The following NCKAP5 variants were observed in gnomAD, a reference collection of about 807,000 sequenced individuals.
NCKAP5 encodes nck-associated protein 5.
NCKAP5 carries 92 observed loss-of-function variants against 167.0 expected under a neutral mutation model. The observed-to-expected ratio is 0.55, with a 90% CI of 0.47 to 0.66. The LOEUF (loss-of-function observed/expected upper bound fraction) is 0.66. Ranked by LOEUF, NCKAP5 falls within the 30% of genes least tolerant of loss-of-function variation. The pLI is 0.00. For synonymous variants in NCKAP5, 891 were observed against 877.4 expected, an observed-to-expected ratio of 1.02 and a Z score of -0.27; for missense variants, 2,378 against 2,315.0, an observed-to-expected ratio of 1.03 and a Z score of -0.56.
chr2:133,288,360 C>T (rs1679318578), intron 4 of NCKAP5, among the ~76,000 whole-genome samples: 1 of 152,140 alleles, frequency 6.6e-6, no homozygotes, highest in Non-Finnish European at 1.5e-5. Flanking sequence ...TGATACCATC[C>T]ATATTTCTGT....
intron 4 of NCKAP5, among the ~76,000 whole-genome samples, chr2:133,222,219 T>C (rs1037802177): frequency 6.6e-6 from 1 of 152,164 alleles, no homozygotes; most frequent in African/African-American, 2.4e-5. Flanking sequence ...TGTCTATTGA[T>C]ACTTACCATC....
chr2:133,448,947 A>G (rs1184215037), intron 3 of NCKAP5, among the ~76,000 whole-genome samples: 2 of 152,236 alleles, frequency 1.3e-5, no homozygotes, highest in African/African-American at 2.4e-5. Context: ...TAACATAGAT[A>G]GACAAGATGC....
Position 133,116,345 on chromosome 2 carries a change from G to A in NCKAP5, c.341+13633C>T, listed in dbSNP as rs1222882936. Reference sequence around the variant, plus strand: ...TACTAAAAATACAAAAAAATTAGCCGGGCGTGGTGGCGGGCGCCTGTAGTC... The same window carrying A: ...TACTAAAAATACAAAAAAATTAGCCAGGCGTGGTGGCGGGCGCCTGTAGTC... On this transcript the variant is annotated intron_variant, in intron 6 of 19. Transcript: ENST00000409261. Among the ~76,000 whole-genome samples, 9 of 125,272 alleles carry A rather than the reference G, an allele frequency of 7.2e-5. 2 individuals carry two copies. The highest frequency in any genetic ancestry group is 2.4e-4 in the African/African-American group (7 of 29,208). 82.2% of individuals were successfully genotyped at this position (125,272 alleles called of 152,430 possible).
chr2:133,241,874 C>G (rs555048480), intron 4 of NCKAP5, among the ~76,000 whole-genome samples: 1 of 152,224 alleles, frequency 6.6e-6, no homozygotes, highest in African/African-American at 2.4e-5. Flanking sequence ...AATCCCAGCA[C>G]TTTGAGAGGC....
intron 5 of NCKAP5, among the ~76,000 whole-genome samples, chr2:133,201,449 C>T (rs1274216559): frequency 1.3e-5 from 2 of 151,998 alleles, no homozygotes; most frequent in Middle Eastern, 3.2e-3. Flanking sequence ...AGTAAAGAAG[C>T]CAGACACAAA....
intron 7 of NCKAP5, among the ~76,000 whole-genome samples, chr2:132,979,151 A>G (rs924901960): frequency 3.9e-5 from 6 of 152,144 alleles, no homozygotes; most frequent in Non-Finnish European, 8.8e-5. Flanking sequence ...TAACTCTCTA[A>G]CACTTGCTAA....
At chr2:132,994,663 T>C (rs1464199372) in intron 6 of NCKAP5, among the ~76,000 whole-genome samples, 1 of 152,366 alleles carries the variant, frequency 6.6e-6, no homozygotes, top group Admixed American at 6.5e-5. Flanking sequence ...CTTTCTGTGA[T>C]GGTCTTTCTA....
At chr2:133,011,297 T>C (rs1174376971) in intron 6 of NCKAP5, among the ~76,000 whole-genome samples, 1 of 152,190 alleles carries the variant, frequency 6.6e-6, no homozygotes, top group Non-Finnish European at 1.5e-5. Context: ...ATAAAGACAA[T>C]AGTACCTACG....
chr2:133,359,841 T>C (rs2150860153), intron 3 of NCKAP5, among the ~76,000 whole-genome samples: 1 of 152,326 alleles, frequency 6.6e-6, no homozygotes, highest in Non-Finnish European at 1.5e-5. Context: ...GTGAAACTAT[T>C]GTGCAAAATT....
the NCKAP5 span, among the ~76,000 whole-genome samples, chr2:133,648,803 A>C: frequency 6.6e-6 from 1 of 151,922 alleles, no homozygotes; most frequent in Non-Finnish European, 1.5e-5. Flanking sequence ...ATTTAAAAAG[A>C]AGAAAAATCT....
At chr2:132,834,423 C>T (rs1395490439) in intron 11 of NCKAP5, among the ~76,000 whole-genome samples, 1 of 152,134 alleles carries the variant, frequency 6.6e-6, no homozygotes, top group East Asian at 1.9e-4. Flanking sequence ...CGGCTCACTG[C>T]AAGCTCCGCC....
intron 19 of NCKAP5, 26 bp downstream of exon 19, chr2:132,725,601 G>T: frequency 6.3e-7 from 1 of 1,598,158 alleles, no homozygotes; most frequent in East Asian, 2.3e-5. Flanking sequence ...GGAACCTGCA[G>T]GGCCAGCAAG....
At chr2:133,382,806 C>G (rs1357401054) in intron 3 of NCKAP5, among the ~76,000 whole-genome samples, 1 of 152,146 alleles carries the variant, frequency 6.6e-6, no homozygotes, top group African/African-American at 2.4e-5. Flanking sequence ...TACTCACCAC[C>G]CCATTCTCTG....
chr2:133,128,659 G>A (rs923116603), intron 6 of NCKAP5, among the ~76,000 whole-genome samples: 1 of 151,596 alleles, frequency 6.6e-6, no homozygotes, highest in Admixed American at 6.6e-5. Context: ...GTGCAGTGGC[G>A]CAATCTCGGC....
Position 133,170,224 on chromosome 2 carries a change from A to G in NCKAP5, c.208-40113T>C, listed in dbSNP as rs368559242. Reference sequence around the variant, plus strand: ...TAAGGATGGAAGGCAAGATTGTGCAACGGCTGGGAACGTGGGTGAGGGCAG... The same window carrying G: ...TAAGGATGGAAGGCAAGATTGTGCAGCGGCTGGGAACGTGGGTGAGGGCAG... On this transcript the variant is annotated intron_variant, in intron 5 of 19. Coordinates refer to ENST00000409261, the MANE Select transcript of NCKAP5 (RefSeq NM_207363.3). 2.0e-5 allele frequency among the ~76,000 whole-genome samples: 3 copies of G among 152,230 alleles called. No individual in the cohort carries two copies. In the East Asian group the frequency reaches 5.8e-4, roughly 29 times the overall value.
At chr2:133,565,587 A>C (rs1688488352) in intron 1 of NCKAP5, among the ~76,000 whole-genome samples, 2 of 152,328 alleles carry the variant, frequency 1.3e-5, no homozygotes, top group South Asian at 4.1e-4. Flanking sequence ...GCTGTGCTGC[A>C]TAGTGAAGAC....
chr2:133,045,720 A>G (rs2079376777), intron 6 of NCKAP5, among the ~76,000 whole-genome samples: 1 of 152,168 alleles, frequency 6.6e-6, no homozygotes, highest in Non-Finnish European at 1.5e-5. Flanking sequence ...TTAATAATAA[A>G]CTAGAACCAT....
intron 3 of NCKAP5, among the ~76,000 whole-genome samples, chr2:133,495,174 T>C (rs950600693): frequency 6.6e-6 from 1 of 152,192 alleles, no homozygotes; most frequent in Non-Finnish European, 1.5e-5. Flanking sequence ...ACATCTTACA[T>C]GTATTGATTG....
rs748028809 is a variant in NCKAP5 at position 132,731,739 on chromosome 2, G to A, written c.5441C>T (p.Ser1814Leu). Residue 1814 changes from serine (S) to leucine (L), a missense_variant and splice_region_variant, in exon 17 of 20, where the codon TCA (serine) becomes TTA (leucine). Ser to Leu is a moderately radical substitution (Grantham distance 145, BLOSUM62 -2). Around this residue, in one of 3 missense-constraint regions of NCKAP5, gnomAD observed 1,325 missense variants for 1,274.5 expected, o/e 1.04. Coordinates refer to ENST00000409261, the MANE Select transcript of NCKAP5 (RefSeq NM_207363.3). ...LQSRLPKPAS[S>L]GKVSSQKQNE... The stretch of plus-strand genomic sequence containing the variant: ...AGGGTGGGAAATTGGCATTTTACCT[G>A]AGGAAGCTGGTTTGGGGAGGCGGCT... 1.3e-5 allele frequency: 20 copies of A among 1,575,886 alleles called. No individual in the cohort carries two copies. Among genetic ancestry groups the A allele is most frequent in the Admixed American group, 3.6e-5 (2 of 55,400 alleles).
Sources: gnomAD v4.1 joint callset for allele counts (sites outside exome capture counted in the v4.1 genomes callset) on GRCh38, gnomAD v4.1.1 for gene constraint, gnomAD v4.1.1 regional missense constraint, MANE v1.5 for transcripts, NCBI Gene and HGNC (gene_info 2026-07-23, HGNC 2026-07-21) for gene names.